RBFOX1: variants seen among roughly 807,000 people sequenced by gnomAD.
The protein encoded by RBFOX1 is RNA binding fox-1 homolog 1.
Under a neutral mutation model 57.7 loss-of-function variants are expected in RBFOX1, and 8 were observed. The observed-to-expected ratio is 0.14, with a 90% confidence interval of 0.08 to 0.25. The LOEUF (loss-of-function observed/expected upper bound fraction) is 0.25. Ranked by LOEUF, RBFOX1 falls within the 10% of genes least tolerant of loss-of-function variation. The probability of loss-of-function intolerance (pLI) is 1.00; values close to 1 mark genes in which losing one functional copy is unlikely to be tolerated. For synonymous variants in RBFOX1, 326 were observed against 222.4 expected (o/e 1.47, Z -4.15); for missense variants, 611 against 548.5 (o/e 1.11, Z -1.14).
intron 1 of RBFOX1, among the ~76,000 whole-genome samples, chr16:6,313,778 T>C (rs1330992702): frequency 1.3e-5 from 2 of 151,914 alleles, no homozygotes; most frequent in African/African-American, 4.8e-5. Context: ...CACAAATTGC[T>C]CTTCACGTAG....
At chr16:7,500,879 G>C (rs2070560432) in intron 4 of RBFOX1, among the ~76,000 whole-genome samples, 2 of 152,148 alleles carry the variant, frequency 1.3e-5, no homozygotes, top group African/African-American at 4.8e-5. Context: ...ATTGAATGAT[G>C]GGGACAGTTA....
At chr16:7,289,004 G>A (rs544082535) in intron 4 of RBFOX1, among the ~76,000 whole-genome samples, 1 of 152,132 alleles carries the variant, frequency 6.6e-6, no homozygotes, top group Non-Finnish European at 1.5e-5. Flanking sequence ...TGATATTAGA[G>A]GAAGTATGGG....
intron 3 of RBFOX1, among the ~76,000 whole-genome samples, chr16:5,702,135 C>G (rs1306888409): frequency 1.3e-5 from 2 of 152,176 alleles, no homozygotes; most frequent in Non-Finnish European, 2.9e-5. Flanking sequence ...CTGTAAAGAA[C>G]TACCTGAGAC....
At chr16:6,427,282 G>T (rs904745293) in intron 2 of RBFOX1, among the ~76,000 whole-genome samples, 2 of 152,160 alleles carry the variant, frequency 1.3e-5, no homozygotes, top group African/African-American at 4.8e-5. Context: ...AAGCCGTCCA[G>T]AGTATTTCTT....
intron 2 of RBFOX1, among the ~76,000 whole-genome samples, chr16:5,555,502 C>G (rs62018422): frequency 0.27 from 41,376 of 151,724 alleles, 6,672 homozygotes; most frequent in East Asian, 0.74. Context: ...CCACCTGCCT[C>G]TGCCTCCCAA....
intron 4 of RBFOX1, among the ~76,000 whole-genome samples, chr16:7,222,652 C>T (rs1207163785): frequency 1.3e-5 from 2 of 152,186 alleles, no homozygotes; most frequent in Admixed American, 6.5e-5. Flanking sequence ...TTGTTAGCCC[C>T]CTTACCTCTT....
At chr16:6,822,252 T>C (rs1345036422) in intron 3 of RBFOX1, among the ~76,000 whole-genome samples, 1 of 152,166 alleles carries the variant, frequency 6.6e-6, no homozygotes, top group African/African-American at 2.4e-5. Context: ...TGAGTATCAA[T>C]GCTCAGTAGT....
At chr16:6,996,593 G>T (rs192220061) in intron 3 of RBFOX1, among the ~76,000 whole-genome samples, 2 of 152,248 alleles carry the variant, frequency 1.3e-5, no homozygotes, top group Admixed American at 6.5e-5. Context: ...ACGACTTTAT[G>T]CTTTAGGCAC....
chr16:7,260,035 A>C (rs1252540690), intron 4 of RBFOX1, among the ~76,000 whole-genome samples: 1 of 152,212 alleles, frequency 6.6e-6, no homozygotes, highest in Non-Finnish European at 1.5e-5. Context: ...CATTGTTTAT[A>C]AGCTCCATAA....
chr16:6,640,276 T>C (rs1399798133), intron 2 of RBFOX1, among the ~76,000 whole-genome samples: 1 of 152,190 alleles, frequency 6.6e-6, no homozygotes, highest in Non-Finnish European at 1.5e-5. Context: ...GATATACTAT[T>C]AAGAACTAGG....
intron 3 of RBFOX1, among the ~76,000 whole-genome samples, chr16:7,043,769 C>G (rs531863131): frequency 7.5e-4 from 114 of 152,314 alleles, no homozygotes; most frequent in African/African-American, 2.6e-3. Context: ...TTCCCCAGTT[C>G]AAGTTAATCT....
chr16:6,409,758 G>T (rs917068032), intron 2 of RBFOX1, among the ~76,000 whole-genome samples: 1 of 152,108 alleles, frequency 6.6e-6, no homozygotes, highest in Non-Finnish European at 1.5e-5. Flanking sequence ...ATATTCTTCC[G>T]AAGCTGAGGG....
chr16:5,555,192 A>G (rs1240075974), intron 2 of RBFOX1, among the ~76,000 whole-genome samples: 1 of 152,218 alleles, frequency 6.6e-6, no homozygotes, highest in African/African-American at 2.4e-5. Flanking sequence ...TTCAGTGGAT[A>G]GAATGGAACT....
intron 3 of RBFOX1, among the ~76,000 whole-genome samples, chr16:6,977,220 A>G (rs1181866524): frequency 2.1e-5 from 3 of 145,940 alleles, no homozygotes; most frequent in African/African-American, 7.8e-5. Context: ...ATATATTATC[A>G]TATAATCATA....
intron 4 of RBFOX1, among the ~76,000 whole-genome samples, chr16:7,217,122 T>C (rs892904494): frequency 6.8e-5 from 10 of 147,856 alleles, no homozygotes; most frequent in Non-Finnish European, 1.5e-4. Context: ...CTTTCCTTTC[T>C]TTTTGACAGT....
intron 5 of RBFOX1, among the ~76,000 whole-genome samples, chr16:7,574,430 G>A (rs1014543005): frequency 6.6e-6 from 1 of 152,156 alleles, no homozygotes; most frequent in Non-Finnish European, 1.5e-5. Context: ...GAGGAGCAAG[G>A]AAGTCAGGCT....
At chr16:7,105,909 C>T in intron 4 of RBFOX1, among the ~76,000 whole-genome samples, 1 of 152,060 alleles carries the variant, frequency 6.6e-6, no homozygotes. Flanking sequence ...GAGAGGTATA[C>T]GTAGACAATA....
intron 1 of RBFOX1, among the ~76,000 whole-genome samples, chr16:5,373,320 T>A (rs2065905967): frequency 6.6e-6 from 1 of 152,178 alleles, no homozygotes; most frequent in Admixed American, 6.5e-5. Flanking sequence ...CGTGTCGAAT[T>A]GTAATCCCTG....
chr16:6,519,614 T>C (rs1347405966), intron 2 of RBFOX1, among the ~76,000 whole-genome samples: 2 of 152,112 alleles, frequency 1.3e-5, no homozygotes, highest in African/African-American at 4.8e-5. Flanking sequence ...GGCCAGAGAA[T>C]TGCTTGAACC....
Sources: gnomAD v4.1 joint callset for allele counts (sites outside exome capture counted in the v4.1 genomes callset) on GRCh38, gnomAD v4.1.1 for gene constraint, MANE v1.5 for transcripts, NCBI Gene and HGNC (gene_info 2026-07-23, HGNC 2026-07-21) for gene names.